The following PRKAR2B variants were observed in gnomAD, a reference collection of about 807,000 sequenced individuals.
PRKAR2B encodes the protein protein kinase cAMP-dependent type II regulatory subunit beta.
PRKAR2B carries 14 observed loss-of-function variants against 49.9 expected under a neutral mutation model. The ratio of observed to expected loss-of-function variants is 0.28; its 90% CI spans 0.19 to 0.44. The LOEUF is 0.44. Among genes scored for constraint, PRKAR2B ranks in the 20% least tolerant of loss-of-function variants. The probability of loss-of-function intolerance (pLI) is 1.00; values close to 1 mark genes in which losing one functional copy is unlikely to be tolerated. For missense variants in PRKAR2B, 393 were observed against 537.9 expected, an observed-to-expected ratio of 0.73 and a Z score of 2.67; for synonymous variants, 196 against 197.7, an observed-to-expected ratio of 0.99 and a Z score of 0.07.
chr7:107,048,159 A>G (rs1019193482), intron 1 of PRKAR2B, among the ~76,000 whole-genome samples: 9 of 152,146 alleles, frequency 5.9e-5, no homozygotes, highest in Admixed American at 5.2e-4. Context: ...CTATCTCCAG[A>G]TGGGGCTGGG....
At chr7:107,117,152 A>G (rs978798664) in intron 2 of PRKAR2B, among the ~76,000 whole-genome samples, 8 of 151,670 alleles carry the variant, frequency 5.3e-5, no homozygotes, top group African/African-American at 1.9e-4. Context: ...TTATAAAAAA[A>G]TACAGTAAGT....
chr7:107,044,766 G>A lies in PRKAR2B; in HGVS notation c.-142G>A. 5.6e-6 allele frequency: 2 copies of A among 359,008 alleles called. No homozygotes were observed. Among genetic ancestry groups the A allele is most frequent in the Admixed American group, 6.3e-5 (1 of 15,898 alleles). 22.2% of individuals were successfully genotyped at this position (359,008 alleles called of 1,614,324 possible). A position where few individuals can be genotyped will look rare whatever the true frequency, so the allele number is the denominator to read the frequency against. On this transcript the variant is annotated 5_prime_UTR_variant, in exon 1 of 11. Transcript: ENST00000265717. Reference sequence around the variant, plus strand: ...CCGGGAGCCGCGGGCCGGGCCAGCCGGGCCGCCGGGGCCCAGTGCGCCGCG... The same window carrying A: ...CCGGGAGCCGCGGGCCGGGCCAGCCAGGCCGCCGGGGCCCAGTGCGCCGCG...
chr7:107,067,550 CAAG>C (rs925455539), intron 1 of PRKAR2B, among the ~76,000 whole-genome samples: 2 of 152,078 alleles, frequency 1.3e-5, no homozygotes, highest in Admixed American at 6.6e-5. Context: ...GCAAAAATAT[CAAG>C]GAGAAATAAA....
At chr7:107,076,721 T>A (rs755466591) in intron 2 of PRKAR2B, among the ~76,000 whole-genome samples, 2 of 152,232 alleles carry the variant, frequency 1.3e-5, no homozygotes, top group African/African-American at 2.4e-5. Context: ...CATATAATTT[T>A]GTGGTATATT....
intron 4 of PRKAR2B, among the ~76,000 whole-genome samples, chr7:107,136,077 T>G (rs1351622849): frequency 6.6e-6 from 1 of 152,112 alleles, no homozygotes; most frequent in Non-Finnish European, 1.5e-5. Flanking sequence ...GGTAACACAA[T>G]GAAGTAAAGA....
chr7:107,097,304 G>A (rs1160166481), intron 2 of PRKAR2B, among the ~76,000 whole-genome samples: 1 of 151,986 alleles, frequency 6.6e-6, no homozygotes, highest in African/African-American at 2.4e-5. Context: ...TTTAAAGTCT[G>A]TTTTATCAGA....
intron 1 of PRKAR2B, among the ~76,000 whole-genome samples, chr7:107,066,429 T>A (rs1273262240): frequency 6.6e-6 from 1 of 152,162 alleles, no homozygotes; most frequent in African/African-American, 2.4e-5. Context: ...GATACCTTCA[T>A]CTGTTAACAT....
chr7:107,080,685 C>T (rs1794497959), intron 2 of PRKAR2B, among the ~76,000 whole-genome samples: 1 of 152,144 alleles, frequency 6.6e-6, no homozygotes, highest in South Asian at 2.1e-4. Flanking sequence ...ACTAAACTTT[C>T]CTTAAGGCTA....
At chr7:107,146,537 G>T in intron 6 of PRKAR2B, 76 bp downstream of exon 6, 2 of 1,463,248 alleles carry the variant, frequency 1.4e-6, no homozygotes, top group East Asian at 2.3e-5. Flanking sequence ...ATTGCCGCAT[G>T]TAGTATTTTA....
At chr7:107,050,333 C>CTTTTTTTTTTTTTTTTTTTTT (rs57752789) in intron 1 of PRKAR2B, among the ~76,000 whole-genome samples, 1 of 68,594 alleles carries the variant, frequency 1.5e-5, no homozygotes, top group African/African-American at 7.2e-5. Flanking sequence ...CAGTTACCAG[C>CTTTTTTTTTTTTTTTTTTTTT]TTTTTTTTTT....
At chr7:107,045,711 G>A (rs1378032985) in intron 1 of PRKAR2B, among the ~76,000 whole-genome samples, 6 of 152,214 alleles carry the variant, frequency 3.9e-5, no homozygotes, top group East Asian at 3.8e-4. Context: ...AAAGAAGCAT[G>A]AAATTGGACT....
intron 2 of PRKAR2B, among the ~76,000 whole-genome samples, chr7:107,090,705 GCTT>G (rs1324550488): frequency 6.6e-6 from 1 of 152,190 alleles, no homozygotes; most frequent in Admixed American, 6.5e-5. Context: ...CAATCCCTGA[GCTT>G]CTTCTGTGAG....
chr7:107,112,279 A>G (rs1017347685), intron 2 of PRKAR2B, among the ~76,000 whole-genome samples: 16 of 151,564 alleles, frequency 1.1e-4, no homozygotes, highest in Admixed American at 2.0e-4. Context: ...CTAATTTAAT[A>G]GACTTAAAAT....
At chr7:107,077,474 A>G (rs1348963905) in intron 2 of PRKAR2B, 1 of 152,212 alleles carries the variant, frequency 6.6e-6, no homozygotes, top group Non-Finnish European at 1.5e-5. Flanking sequence ...GGTTTATAAC[A>G]TAGGTTTTAC....
rs543332156 is a variant in PRKAR2B at position 107,083,219 on chromosome 7, A to C, written c.343+12903A>C. 4.8e-3 allele frequency among the ~76,000 whole-genome samples: 730 copies of C among 152,112 alleles called. 6 individuals carry two copies. Among genetic ancestry groups the C allele is most frequent in the African/African-American group, 0.016 (647 of 41,504 alleles). Reference sequence around the variant, plus strand: ...GCAACAGAGCGAGACTGTCTCAAAAAAAAAAAAAAAATAGAGTTTATAATT... The same window carrying C: ...GCAACAGAGCGAGACTGTCTCAAAACAAAAAAAAAAATAGAGTTTATAATT... On this transcript the variant is annotated intron_variant, in intron 2 of 10. Transcript: ENST00000265717.
chr7:107,109,537 C>T (rs776442184), intron 2 of PRKAR2B, among the ~76,000 whole-genome samples: 1 of 151,968 alleles, frequency 6.6e-6, no homozygotes, highest in South Asian at 2.1e-4. Context: ...TGTGGAACTA[C>T]AGACATGAGC....
chr7:107,083,475 A>G (rs965221335), intron 2 of PRKAR2B, among the ~76,000 whole-genome samples: 4 of 152,152 alleles, frequency 2.6e-5, no homozygotes, highest in Admixed American at 6.6e-5. Flanking sequence ...ACGACCTATG[A>G]GAATCACTAG....
chr7:107,116,460 A>G (rs997040329), intron 2 of PRKAR2B, among the ~76,000 whole-genome samples: 2 of 152,192 alleles, frequency 1.3e-5, no homozygotes, highest in Non-Finnish European at 2.9e-5. Context: ...TAAATATAGT[A>G]CATATATAAT....
chr7:107,109,006 G>A (rs1453125998), intron 2 of PRKAR2B, among the ~76,000 whole-genome samples: 3 of 152,202 alleles, frequency 2.0e-5, no homozygotes, highest in Non-Finnish European at 4.4e-5. Context: ...AGCAGCCCTT[G>A]TGGATTGCTG....
Sources: allele counts gnomAD v4.1 joint callset (sites outside exome capture counted in the v4.1 genomes callset), GRCh38; gene constraint gnomAD v4.1.1; transcripts MANE v1.5; gene names NCBI Gene and HGNC (gene_info 2026-07-23, HGNC 2026-07-21).